CCT4: variants seen among roughly 807,000 people sequenced by gnomAD.
The protein encoded by CCT4 is T-complex protein 1 subunit delta.
A neutral mutation model predicts 62.5 loss-of-function variants in CCT4; 17 were observed. The ratio of observed to expected loss-of-function variants is 0.27; its 90% confidence interval spans 0.19 to 0.41. The LOEUF (loss-of-function observed/expected upper bound fraction) is 0.41. Among genes scored for constraint, CCT4 ranks in the 10% least tolerant of loss-of-function variants. The probability of loss-of-function intolerance (pLI) is 1.00; values close to 1 mark genes in which losing one functional copy is unlikely to be tolerated. For synonymous variants in CCT4, 250 were observed against 229.9 expected, an observed-to-expected ratio of 1.09 and a Z score of -0.79; for missense variants, 592 against 659.2, an observed-to-expected ratio of 0.90 and a Z score of 1.12.
intron 12 of CCT4, among the ~76,000 whole-genome samples, chr2:61,870,277 A>AAAAAC (rs373983603): frequency 5.2e-4 from 79 of 152,204 alleles, no homozygotes; most frequent in African/African-American, 1.6e-3. Context: ...TCTGTCTCAA[A>AAAAAC]AAAACAAAAC....
Position 61,873,077 on chromosome 2 carries a change from T to C in CCT4, c.1050A>G (p.Gln350=), listed in dbSNP as rs751467696. 8.1e-6 allele frequency: 13 copies of C among 1,613,028 alleles called. No homozygotes were observed. Among genetic ancestry groups the C allele is most frequent in the Admixed American group, 3.3e-5 (2 of 60,024 alleles). The change falls in exon 10 of 14, where the codon CAA becomes CAG. Residue 350 remains glutamine, a synonymous_variant. Transcript: ENST00000394440. ...CAGAACCCAGCATGTCAGCAGTAAA[T>C]TGGTCAATATGAGCAACTGGCTTGG... ...IGTKPVAHID[Q]FTADMLGSAE...
rs1669089958 is a variant in CCT4, at chr2:61,880,535, CTTGGGTTTCATTTAAAATTAAAGACTA to C, written c.271-168_271-142del. On this transcript the variant is annotated intron_variant, in intron 3 of 13. Transcript: ENST00000394440. ...TGATTTCTTCTGATTTGTTGTCTAC[CTTGGGTTTCATTTAAAATTAAAGACTA>C]GTAGATGATCTCCAGTTCAGATTGT... 4 of 613,508 alleles carry C rather than the reference CTTGGGTTTCATTTAAAATTAAAGACTA, an allele frequency of 6.5e-6. No homozygotes were observed. In the East Asian group the frequency reaches 1.2e-4, roughly 18 times the overall value. 38.0% of individuals were successfully genotyped at this position (613,508 alleles called of 1,614,324 possible).
rs539188497 is a variant in CCT4, at chr2:61,877,807, C to T, written c.523-293G>A. Among the ~76,000 whole-genome samples the T allele has an allele frequency of 4.9e-4, 74 of 152,178 alleles. 1 individual carries two copies. Among genetic ancestry groups the T allele is most frequent in the African/African-American group, 1.6e-3 (67 of 41,514 alleles). On this transcript the variant is annotated intron_variant, in intron 5 of 13. Transcript: ENST00000394440. ...TCCAAAAAGCATAAATTTAATTTTA[C>T]GTGAGTATTTTCTATCTAAAATGAA...
At chr2:61,884,718 T>C (rs1669210582) in intron 2 of CCT4, among the ~76,000 whole-genome samples, 1 of 152,000 alleles carries the variant, frequency 6.6e-6, no homozygotes, top group Admixed American at 6.6e-5. Context: ...AACCTCTGCC[T>C]CCCAGGTTCA....
At chr2:61,881,900 T>G (rs1669124488) in intron 3 of CCT4, among the ~76,000 whole-genome samples, 1 of 151,830 alleles carries the variant, frequency 6.6e-6, no homozygotes, top group Non-Finnish European at 1.5e-5. Flanking sequence ...AAAGCCATCT[T>G]TACACAACTC....
At position 61,888,525 on chromosome 2, in the gene CCT4, C is replaced by T. The variant is rs1469984918; in HGVS notation, c.-18G>A. 1 of 1,607,438 alleles carries T rather than the reference C, an allele frequency of 6.2e-7. No individual in the cohort carries two copies. Among genetic ancestry groups the T allele is most frequent in the Non-Finnish European group, 8.5e-7 (1 of 1,176,828 alleles). On this transcript the variant is annotated 5_prime_UTR_variant, in exon 1 of 14. Coordinates refer to ENST00000394440, the MANE Select transcript of CCT4 (RefSeq NM_006430.4). ...TCGGGCATGGCAAACTCCGCTGTGT[C>T]TGGGTTGGCTCGGGAAGGACGGATG...
At chr2:61,875,922 T>C (rs1668987896) in intron 8 of CCT4, among the ~76,000 whole-genome samples, 173 bp downstream of exon 8, 1 of 152,184 alleles carries the variant, frequency 6.6e-6, no homozygotes, top group African/African-American at 2.4e-5. Flanking sequence ...GCCTAACATT[T>C]TACCTGTGCT....
chr2:61,871,114 C>A (rs143349699), intron 12 of CCT4, among the ~76,000 whole-genome samples: 2 of 151,458 alleles, frequency 1.3e-5, no homozygotes, highest in African/African-American at 4.9e-5. Context: ...TCACTGCAAC[C>A]TCTGCCTCCC....
At chr2:61,886,490 T>C (rs1669253193) in intron 1 of CCT4, among the ~76,000 whole-genome samples, 1 of 152,182 alleles carries the variant, frequency 6.6e-6, no homozygotes. Context: ...ATCATCAGTA[T>C]GTTATAAAAC....
intron 7 of CCT4, among the ~76,000 whole-genome samples, chr2:61,876,487 T>C (rs956947850): frequency 3.3e-5 from 5 of 152,196 alleles, no homozygotes; most frequent in African/African-American, 7.2e-5. Context: ...TATAAAATGG[T>C]TACCCTAGTT....
At chr2:61,878,669 G>A (rs1318660737) in intron 5 of CCT4, among the ~76,000 whole-genome samples, 200 bp downstream of exon 5, 1 of 152,168 alleles carries the variant, frequency 6.6e-6, no homozygotes, top group Non-Finnish European at 1.5e-5. Flanking sequence ...AATGGATATA[G>A]TATATATTAA....
Position 61,883,522 on chromosome 2 carries a change from G to T in CCT4, c.207C>A (p.Thr69=). 6.3e-7 allele frequency: 1 copy of T among 1,593,286 alleles called. No individual in the cohort carries two copies. Among genetic ancestry groups the T allele is most frequent in the Non-Finnish European group, 8.6e-7 (1 of 1,168,372 alleles). The change falls in exon 3 of 14, where the codon ACC becomes ACA. Residue 69 remains threonine, a synonymous_variant. Coordinates refer to ENST00000394440, the MANE Select transcript of CCT4 (RefSeq NM_006430.4). The part of the protein sequence containing the change: ...KMIQDGKGDV[T]ITNDGATILK... ...GAATGGTAGCACCATCATTTGTAAT[G>T]GTTACATCACCTTTTCCATCTTGAA...
At chr2:61,882,597 C>A (rs1307123703) in intron 3 of CCT4, among the ~76,000 whole-genome samples, 1 of 151,968 alleles carries the variant, frequency 6.6e-6, no homozygotes, top group Non-Finnish European at 1.5e-5. Context: ...CTCACTACCT[C>A]CCCTGGACTC....
chr2:61,871,141 C>T (rs981765030), intron 12 of CCT4, among the ~76,000 whole-genome samples: 10 of 151,264 alleles, frequency 6.6e-5, no homozygotes, highest in African/African-American at 1.7e-4. Flanking sequence ...AAGCGATTCT[C>T]CTCCCTCAGC....
intron 2 of CCT4, among the ~76,000 whole-genome samples, chr2:61,883,787 C>G (rs202035549): frequency 0.16 from 22,863 of 143,454 alleles, 2,130 homozygotes; most frequent in Middle Eastern, 0.28. Flanking sequence ...CACACACACA[C>G]ACACACACAC....
At chr2:61,872,820 G>A (rs957994968) in intron 10 of CCT4, among the ~76,000 whole-genome samples, 182 bp downstream of exon 10, 5 of 152,124 alleles carry the variant, frequency 3.3e-5, no homozygotes, top group Admixed American at 6.6e-5. Flanking sequence ...CCAGCTTCCC[G>A]GGAGGCTGAG....
At position 61,868,648 on chromosome 2, in the gene CCT4, G is replaced by C. The variant is rs1668822916; in HGVS notation, c.*44C>G. 2 of 1,478,262 alleles carry C rather than the reference G, an allele frequency of 1.4e-6. No individual in the cohort carries two copies. The highest frequency in any genetic ancestry group is 1.9e-6 in the Non-Finnish European group (2 of 1,057,640). 91.6% of individuals were successfully genotyped at this position (1,478,262 alleles called of 1,614,324 possible). ...ACCAAGGTGATCTTCTTCCATTCCA[G>C]CCACAATACTGGTGATCATAATGGT... On this transcript the variant is annotated 3_prime_UTR_variant, in exon 14 of 14. Transcript: ENST00000394440.
intron 13 of CCT4, 74 bp from the exon 14 acceptor site, chr2:61,868,780 T>G: frequency 9.5e-7 from 1 of 1,049,922 alleles, no homozygotes; most frequent in Non-Finnish European, 1.5e-6. Flanking sequence ...TTAAGGCAAT[T>G]AATAAAAGGA....
In CCT4 at chr2:61,869,408, C is replaced by A. The variant is rs776649519; in HGVS notation, c.1605+32G>T. 13 of 1,217,078 alleles carry A rather than the reference C, an allele frequency of 1.1e-5. No individual in the cohort carries two copies. The South Asian group carries it at 1.6e-4, about 15-fold the overall frequency. The allele number at this position is 1,217,078 out of a possible 1,614,324, so 75.4% of individuals were successfully genotyped here. A position where few individuals can be genotyped will look rare whatever the true frequency, so the allele number is the denominator to read the frequency against. On this transcript the variant is annotated intron_variant, in intron 13 of 13. Coordinates refer to ENST00000394440, the MANE Select transcript of CCT4 (RefSeq NM_006430.4). ...TAAAAAATATATGCCTTTTTGACCT[C>A]CTAAGAAAATTTGCAACCTGGAAAC...
Sources: allele counts gnomAD v4.1 joint callset (sites outside exome capture counted in the v4.1 genomes callset), GRCh38; gene constraint gnomAD v4.1.1; transcripts MANE v1.5; gene names NCBI Gene and HGNC (gene_info 2026-07-23, HGNC 2026-07-21).